The following BRINP3 variants were observed in gnomAD, a reference collection of about 807,000 sequenced individuals.
BRINP3 encodes BMP/retinoic acid-inducible neural-specific protein 3.
In BRINP3, 19 loss-of-function variants were observed where a neutral mutation model predicts 71.0. The ratio of observed to expected loss-of-function variants is 0.27; its 90% CI spans 0.19 to 0.39. The LOEUF (loss-of-function observed/expected upper bound fraction) is 0.39. Among genes scored for constraint, BRINP3 ranks in the 10% least tolerant of loss-of-function variants. The probability of loss-of-function intolerance (pLI) is 1.00; values close to 1 mark genes in which losing one functional copy is unlikely to be tolerated. For synonymous variants in BRINP3, 380 were observed against 337.7 expected, an observed-to-expected ratio of 1.13 and a Z score of -1.37; for missense variants, 959 against 940.8, an observed-to-expected ratio of 1.02 and a Z score of -0.25.
At chr1:190,232,735 T>C (rs1285746688) in intron 5 of BRINP3, among the ~76,000 whole-genome samples, 2 of 152,132 alleles carry the variant, frequency 1.3e-5, no homozygotes, top group African/African-American at 4.8e-5. Context: ...CTGAACATAG[T>C]AATTCAGACA....
intron 2 of BRINP3, among the ~76,000 whole-genome samples, chr1:190,448,601 T>C (rs994115689): frequency 1.3e-5 from 2 of 151,736 alleles, no homozygotes; most frequent in African/African-American, 4.8e-5. Flanking sequence ...ATTCATTGTA[T>C]AGTGATATAT....
At chr1:190,261,629 GTTTAC>G (rs984463212) in intron 4 of BRINP3, among the ~76,000 whole-genome samples, 1 of 152,020 alleles carries the variant, frequency 6.6e-6, no homozygotes, top group Non-Finnish European at 1.5e-5. Context: ...TAACAGTTCT[GTTTAC>G]TTTATTTTTT....
At chr1:190,282,944 T>A (rs1329601149) in intron 2 of BRINP3, among the ~76,000 whole-genome samples, 3 of 151,538 alleles carry the variant, frequency 2.0e-5, no homozygotes, top group Non-Finnish European at 4.4e-5. Flanking sequence ...TGTGAAAAAA[T>A]AATAATAAAT....
intron 4 of BRINP3, among the ~76,000 whole-genome samples, chr1:190,249,405 T>C (rs1396864753): frequency 6.6e-6 from 1 of 151,830 alleles, no homozygotes; most frequent in African/African-American, 2.4e-5. Context: ...ATGTATACAT[T>C]TTGCTTTAAT....
At chr1:190,340,478 T>A (rs893594352) in intron 2 of BRINP3, among the ~76,000 whole-genome samples, 7 of 151,892 alleles carry the variant, frequency 4.6e-5, no homozygotes, top group African/African-American at 1.4e-4. Context: ...TCCATGGGTT[T>A]ATTATGGGTC....
chr1:190,447,898 T>C (rs933103179), intron 2 of BRINP3, among the ~76,000 whole-genome samples: 4 of 151,624 alleles, frequency 2.6e-5, no homozygotes, highest in Non-Finnish European at 4.4e-5. Flanking sequence ...AATTTACACA[T>C]ACTCATCACA....
intron 6 of BRINP3, among the ~76,000 whole-genome samples, chr1:190,211,306 A>G (rs1375077926): frequency 6.6e-6 from 1 of 152,058 alleles, no homozygotes; most frequent in Non-Finnish European, 1.5e-5. Context: ...TTCCTTTAAT[A>G]TATTCATATA....
chr1:190,398,742 A>C (rs1351307859), intron 2 of BRINP3, among the ~76,000 whole-genome samples: 1 of 151,972 alleles, frequency 6.6e-6, no homozygotes, highest in African/African-American at 2.4e-5. Context: ...AATTCCTAAG[A>C]GGTAGGTATT....
At chr1:190,246,008 C>T (rs1044077605) in intron 4 of BRINP3, among the ~76,000 whole-genome samples, 26 of 151,556 alleles carry the variant, frequency 1.7e-4, no homozygotes, top group Non-Finnish European at 2.8e-4. Flanking sequence ...TATCATTGTT[C>T]GACATTTAGG....
chr1:190,383,667 T>A (rs1278096503), intron 2 of BRINP3, among the ~76,000 whole-genome samples: 1 of 152,004 alleles, frequency 6.6e-6, no homozygotes, highest in East Asian at 1.9e-4. Context: ...TTTTACCTGG[T>A]AAAGTTACTC....
intron 7 of BRINP3, among the ~76,000 whole-genome samples, chr1:190,103,808 A>C (rs1651906570): frequency 6.6e-6 from 1 of 152,030 alleles, no homozygotes; most frequent in African/African-American, 2.4e-5. Flanking sequence ...ACACATAAGA[A>C]GAATAAGCCA....
chr1:190,298,432 T>C (rs935454351), intron 2 of BRINP3, among the ~76,000 whole-genome samples: 1 of 150,240 alleles, frequency 6.7e-6, no homozygotes, highest in Admixed American at 6.6e-5. Context: ...TTGGTTTGAT[T>C]TTTTTTTTCT....
rs540252549 is a variant in BRINP3 at position 190,098,882 on chromosome 1, G to A, written c.1437C>T (p.Ala479=). Residue 479 remains alanine (A), a synonymous_variant, in exon 8 of 8, where the codon GCC becomes GCT. Coordinates refer to ENST00000367462, the MANE Select transcript of BRINP3 (RefSeq NM_199051.3). ...AGCCAATATAGTGATCGGTGGACTC[G>A]GCGACTTCAGGCTTGCAGAGCCCCT... ...LSQGLCKPEV[A]ESTDHYIGFE... 4 of 1,614,120 alleles carry A rather than the reference G, an allele frequency of 2.5e-6. No homozygotes were observed. Among genetic ancestry groups the A allele is most frequent in the East Asian group, 2.2e-5 (1 of 44,862 alleles).
intron 3 of BRINP3, among the ~76,000 whole-genome samples, chr1:190,267,761 C>T (rs903988952): frequency 2.0e-5 from 3 of 151,838 alleles, no homozygotes; most frequent in Non-Finnish European, 4.4e-5. Context: ...TACTTAAAAA[C>T]AGGGAAGAAT....
chr1:190,102,956 C>T (rs998405410), intron 7 of BRINP3, among the ~76,000 whole-genome samples: 1 of 152,016 alleles, frequency 6.6e-6, no homozygotes, highest in Non-Finnish European at 1.5e-5. Flanking sequence ...AATCATGTGA[C>T]ATACTAGTTT....
At chr1:190,220,133 C>T (rs530177388) in intron 6 of BRINP3, among the ~76,000 whole-genome samples, 1 of 152,132 alleles carries the variant, frequency 6.6e-6, no homozygotes, top group South Asian at 2.1e-4. Flanking sequence ...CCCGATAAGA[C>T]TACCTCCAAG....
intron 6 of BRINP3, among the ~76,000 whole-genome samples, chr1:190,161,417 T>C (rs1571876105): frequency 1.3e-5 from 2 of 151,542 alleles, no homozygotes; most frequent in East Asian, 3.9e-4. Flanking sequence ...AAATATAAAA[T>C]TATAATATTA....
intron 1 of BRINP3, among the ~76,000 whole-genome samples, chr1:190,455,817 CA>C (rs1285748914): frequency 1.3e-5 from 2 of 151,578 alleles, no homozygotes; most frequent in East Asian, 1.9e-4. Flanking sequence ...TATAATCATT[CA>C]AAAAAAAGTA....
chr1:190,128,729 C>T (rs781235730), intron 7 of BRINP3, among the ~76,000 whole-genome samples: 3 of 151,652 alleles, frequency 2.0e-5, no homozygotes, highest in Admixed American at 6.6e-5. Flanking sequence ...TTGCCTTTAC[C>T]TATGCACGAA....
Sources: allele counts gnomAD v4.1 joint callset (sites outside exome capture counted in the v4.1 genomes callset), GRCh38; gene constraint gnomAD v4.1.1; transcripts MANE v1.5; gene names NCBI Gene and HGNC (gene_info 2026-07-23, HGNC 2026-07-21).